DLGAP2: variants seen among roughly 807,000 people sequenced by gnomAD.
DLGAP2 encodes the protein disks large-associated protein 2.
Under a neutral mutation model 100.3 loss-of-function variants are expected in DLGAP2, and 26 were observed. That is an observed-to-expected ratio of 0.26 (90% CI 0.19 to 0.36). The LOEUF is 0.36. Among genes scored for constraint, DLGAP2 ranks in the 10% least tolerant of loss-of-function variants. The probability of loss-of-function intolerance (pLI) is 1.00; values close to 1 mark genes in which losing one functional copy is unlikely to be tolerated. For missense variants in DLGAP2, 1,858 were observed against 1,453.2 expected (o/e 1.28, Z -4.53); for synonymous variants, 886 against 630.1 (o/e 1.41, Z -6.08).
intron 2 of DLGAP2, chr8:1,137,623 A>C (rs536664586): frequency 1.9e-4 from 29 of 152,362 alleles, no homozygotes; most frequent in African/African-American, 6.7e-4. Flanking sequence ...TCTAGTATTC[A>C]CAGCCCGGGT....
intron 4 of DLGAP2, among the ~76,000 whole-genome samples, chr8:1,524,920 G>C (rs1584890358): frequency 6.6e-6 from 1 of 152,102 alleles, no homozygotes; most frequent in East Asian, 1.9e-4. Context: ...TTGGCCATTT[G>C]TCCCCGGTTA....
intron 2 of DLGAP2, among the ~76,000 whole-genome samples, chr8:920,918 G>A (rs1046393041): frequency 6.6e-6 from 1 of 152,234 alleles, no homozygotes; most frequent in Admixed American, 6.5e-5. Flanking sequence ...GGCAGGATGA[G>A]CTGAATCCTG....
chr8:1,517,817 C>A (rs1800445351), intron 4 of DLGAP2, among the ~76,000 whole-genome samples: 2 of 152,168 alleles, frequency 1.3e-5, no homozygotes, highest in African/African-American at 4.8e-5. Flanking sequence ...TGTTTATTTT[C>A]CAAAAACAAG....
chr8:1,353,462 G>A lies in DLGAP2; in HGVS notation c.106+94579G>A, dbSNP rs926626017. Reference sequence around the variant, plus strand: ...TTTATGATGAAATAGGCTTTGTGCCGGATGATCTTGCCCCGCTGCAGGCTC... The same window carrying A: ...TTTATGATGAAATAGGCTTTGTGCCAGATGATCTTGCCCCGCTGCAGGCTC... On this transcript the variant is annotated intron_variant, in intron 3 of 14. Coordinates refer to ENST00000637795, the MANE Select transcript of DLGAP2 (RefSeq NM_001346810.2). Among the ~76,000 whole-genome samples the A allele has an allele frequency of 9.2e-5, 14 of 152,292 alleles. No individual in the cohort carries two copies. In the East Asian group the frequency reaches 9.6e-4, roughly 10 times the overall value.
chr8:1,632,511 C>G (rs527666845), intron 7 of DLGAP2, among the ~76,000 whole-genome samples: 1 of 152,284 alleles, frequency 6.6e-6, no homozygotes, highest in South Asian at 2.1e-4. Context: ...GTACCAGGTA[C>G]TTTGCTAATC....
At chr8:1,368,223 C>A (rs145712243) in intron 3 of DLGAP2, among the ~76,000 whole-genome samples, 31 of 151,746 alleles carry the variant, frequency 2.0e-4, no homozygotes, top group African/African-American at 7.3e-4. Context: ...TATCTGTGTG[C>A]AGGTGTGTAT....
chr8:1,061,365 G>A (rs1485644008), intron 2 of DLGAP2, among the ~76,000 whole-genome samples: 1 of 152,136 alleles, frequency 6.6e-6, no homozygotes, highest in Admixed American at 6.5e-5. Context: ...GGGCGGTGTG[G>A]AAGCTGAAAT....
chr8:1,497,962 G>C (rs947615549), intron 3 of DLGAP2, among the ~76,000 whole-genome samples: 1 of 152,230 alleles, frequency 6.6e-6, no homozygotes, highest in African/African-American at 2.4e-5. Context: ...CATGTGTCCA[G>C]TGTGGTCAAG....
intron 2 of DLGAP2, among the ~76,000 whole-genome samples, chr8:1,005,893 A>G (rs1801094286): frequency 6.6e-6 from 1 of 152,118 alleles, no homozygotes. Context: ...AACTTACGTA[A>G]CGGGGAGTGA....
In DLGAP2 at chr8:1,349,695, C is replaced by T. The variant is rs188162491; in HGVS notation, c.106+90812C>T. On this transcript the variant is annotated intron_variant, in intron 3 of 14. Coordinates refer to ENST00000637795, the MANE Select transcript of DLGAP2 (RefSeq NM_001346810.2). ...GAGACTATCATGAGCCTCCTGCCCA[C>T]ATCCACGCATGTCATGAGCCTCCCG... Among the ~76,000 whole-genome samples the T allele has an allele frequency of 4.7e-3, 678 of 145,182 alleles. 95 individuals are homozygous for T. Among genetic ancestry groups the T allele is most frequent in the Non-Finnish European group, 7.8e-3 (516 of 65,980 alleles).
chr8:995,204 C>G (rs1800751839), intron 2 of DLGAP2, among the ~76,000 whole-genome samples: 1 of 152,110 alleles, frequency 6.6e-6, no homozygotes, highest in Non-Finnish European at 1.5e-5. Context: ...AATTTTTTCA[C>G]ATTACCGTAT....
intron 2 of DLGAP2, among the ~76,000 whole-genome samples, chr8:1,026,393 C>A (rs1801800944): frequency 6.6e-6 from 1 of 152,182 alleles, no homozygotes; most frequent in Non-Finnish European, 1.5e-5. Flanking sequence ...TACTGTCTGG[C>A]TTTGTGGACG....
chr8:1,440,533 C>T (rs370608789), intron 3 of DLGAP2, among the ~76,000 whole-genome samples: 6 of 152,296 alleles, frequency 3.9e-5, no homozygotes, highest in South Asian at 4.1e-4. Flanking sequence ...ATCTGTTAGC[C>T]GTGCAAATGT....
chr8:1,625,205 T>C (rs549450327), intron 6 of DLGAP2, among the ~76,000 whole-genome samples: 1 of 152,354 alleles, frequency 6.6e-6, no homozygotes, highest in African/African-American at 2.4e-5. Flanking sequence ...TGCACTGATA[T>C]TTAATGTTCC....
chr8:877,530 T>A (rs973562514), intron 1 of DLGAP2, among the ~76,000 whole-genome samples: 2 of 152,264 alleles, frequency 1.3e-5, no homozygotes, highest in Non-Finnish European at 2.9e-5. Context: ...CTGATTGCAA[T>A]TGTGGGCATA....
intron 3 of DLGAP2, among the ~76,000 whole-genome samples, chr8:1,409,519 G>T (rs761624714): frequency 6.6e-6 from 1 of 152,206 alleles, no homozygotes; most frequent in Non-Finnish European, 1.5e-5. Context: ...TGTGACGAAC[G>T]TGCTCAGAAC....
At chr8:1,022,731 T>C (rs75504367) in intron 2 of DLGAP2, among the ~76,000 whole-genome samples, 1 of 149,574 alleles carries the variant, frequency 6.7e-6, no homozygotes, top group African/African-American at 2.5e-5. Context: ...CGTGCCGAGG[T>C]AGATGCTCCA....
chr8:1,430,027 T>TATATATATATATATATATATACAC (rs1282725274), intron 3 of DLGAP2, among the ~76,000 whole-genome samples: 9 of 76,896 alleles, frequency 1.2e-4, no homozygotes, highest in African/African-American at 1.5e-4. Context: ...TATATATATA[T>TATATATATATATATATATATACAC]ACACACACAC....
chr8:1,310,000 C>T (rs962770920), intron 3 of DLGAP2, among the ~76,000 whole-genome samples: 4 of 141,456 alleles, frequency 2.8e-5, no homozygotes, highest in Non-Finnish European at 6.0e-5. Flanking sequence ...GAGGCTGAGG[C>T]AGGAGAATCA....
Sources: gnomAD v4.1 joint callset for allele counts (sites outside exome capture counted in the v4.1 genomes callset) on GRCh38, gnomAD v4.1.1 for gene constraint, MANE v1.5 for transcripts, NCBI Gene and HGNC (gene_info 2026-07-23, HGNC 2026-07-21) for gene names.